Variants in CSMD2 observed in about 807,000 individuals in gnomAD.
CSMD2 encodes the protein CUB and Sushi multiple domains 2.
Under a neutral mutation model 398.5 loss-of-function variants are expected in CSMD2, and 130 were observed. The ratio of observed to expected loss-of-function variants is 0.33; its 90% CI spans 0.28 to 0.38. The LOEUF is 0.38. Ranked by LOEUF, CSMD2 falls within the 10% of genes least tolerant of loss-of-function variation. The pLI, the probability that CSMD2 is intolerant of heterozygous loss-of-function variation, is 1.00. For synonymous variants in CSMD2, 1,828 were observed against 1,908.5 expected, an observed-to-expected ratio of 0.96 and a Z score of 1.10; for missense variants, 3,829 against 4,764.9, an observed-to-expected ratio of 0.80 and a Z score of 5.78.
intron 26 of CSMD2, among the ~76,000 whole-genome samples, chr1:33,661,865 C>G (rs539497778): frequency 6.6e-6 from 1 of 152,262 alleles, no homozygotes; most frequent in Admixed American, 6.5e-5. Flanking sequence ...TGGGAAAGAG[C>G]TCGGGGGCAA....
intron 4 of CSMD2, among the ~76,000 whole-genome samples, chr1:33,935,485 G>A (rs1214480766): frequency 6.6e-6 from 1 of 152,206 alleles, no homozygotes; most frequent in Non-Finnish European, 1.5e-5. Flanking sequence ...TCTGAGACAG[G>A]AGGGCTAGAG....
chr1:33,888,786 G>GT lies in CSMD2; in HGVS notation c.920+29307_920+29308insA, dbSNP rs56812413. ...TGTTGTTGTTGTTGTTGTTGTTGTTGAGATGGAGTCTCCCTCTGTCGCCCA... is the reference window on the plus strand; with the variant it reads ...TGTTGTTGTTGTTGTTGTTGTTGTTGTAGATGGAGTCTCCCTCTGTCGCCCA... On this transcript the variant is annotated intron_variant, in intron 5 of 70. Transcript: ENST00000373381. 4.8e-3 allele frequency among the ~76,000 whole-genome samples: 722 copies of GT among 151,994 alleles called. 4 individuals carry two copies. The highest frequency in any genetic ancestry group is 7.0e-3 in the Non-Finnish European group (477 of 67,986).
At chr1:33,717,156 G>A (rs565022478) in intron 19 of CSMD2, among the ~76,000 whole-genome samples, 18 of 152,212 alleles carry the variant, frequency 1.2e-4, no homozygotes, top group African/African-American at 4.1e-4. Flanking sequence ...TTGAGCAGCA[G>A]CTGGGTGTGG....
intron 5 of CSMD2, among the ~76,000 whole-genome samples, chr1:33,856,951 A>G (rs1472505272): frequency 6.6e-6 from 1 of 151,958 alleles, no homozygotes; most frequent in East Asian, 1.9e-4. Context: ...AAGACACGAC[A>G]TCTACAATTC....
chr1:34,147,276 A>G (rs1639863049), intron 1 of CSMD2, among the ~76,000 whole-genome samples: 1 of 152,108 alleles, frequency 6.6e-6, no homozygotes, highest in South Asian at 2.1e-4. Flanking sequence ...AAAAAATAAA[A>G]AAATAAAGAA....
At chr1:33,829,481 G>A (rs1307202015) in intron 6 of CSMD2, among the ~76,000 whole-genome samples, 1 of 152,170 alleles carries the variant, frequency 6.6e-6, no homozygotes. Context: ...ATGTCGGTGT[G>A]CTGCACCCAT....
chr1:33,570,379 G>A (rs1025891544), intron 51 of CSMD2, among the ~76,000 whole-genome samples: 5 of 148,712 alleles, frequency 3.4e-5, no homozygotes, highest in African/African-American at 5.0e-5. Flanking sequence ...TCACCATGTC[G>A]GCCAGGCTGG....
chr1:33,907,642 C>A (rs1259569645), intron 5 of CSMD2, among the ~76,000 whole-genome samples: 1 of 152,148 alleles, frequency 6.6e-6, no homozygotes, highest in Non-Finnish European at 1.5e-5. Context: ...TCTGCCTTCT[C>A]CCTCCCCAAA....
chr1:33,809,534 A>G (rs1200653555), intron 10 of CSMD2, among the ~76,000 whole-genome samples: 1 of 152,056 alleles, frequency 6.6e-6, no homozygotes, highest in Non-Finnish European at 1.5e-5. Context: ...GAGTATCTAC[A>G]AATGAAAAAT....
chr1:33,561,627 G>A (rs1490789647), intron 53 of CSMD2, among the ~76,000 whole-genome samples: 1 of 152,222 alleles, frequency 6.6e-6, no homozygotes, highest in Non-Finnish European at 1.5e-5. Flanking sequence ...GGAAGCGGCT[G>A]TTAAACCCAG....
At chr1:33,804,586 T>C (rs12408037) in intron 10 of CSMD2, among the ~76,000 whole-genome samples, 83,858 of 151,174 alleles carry the variant, frequency 0.55, 23,269 homozygotes, top group East Asian at 0.69. Context: ...TCTTCACTCT[T>C]ACGTGCACAC....
At chr1:33,683,898 G>A (rs751809534) in intron 25 of CSMD2, among the ~76,000 whole-genome samples, 2 of 152,180 alleles carry the variant, frequency 1.3e-5, no homozygotes, top group African/African-American at 2.4e-5. Flanking sequence ...GTAAGTACAC[G>A]AACCTTCTCT....
intron 3 of CSMD2, among the ~76,000 whole-genome samples, chr1:34,027,266 T>G (rs1326293780): frequency 2.0e-5 from 3 of 152,100 alleles, no homozygotes; most frequent in Non-Finnish European, 4.4e-5. Flanking sequence ...GGCCAGTAAG[T>G]GATGACAGGT....
At chr1:33,954,742 G>A (rs927846602) in intron 3 of CSMD2, among the ~76,000 whole-genome samples, 2 of 152,144 alleles carry the variant, frequency 1.3e-5, no homozygotes, top group African/African-American at 2.4e-5. Flanking sequence ...CCACTTATAT[G>A]AGACACCTAG....
intron 2 of CSMD2, among the ~76,000 whole-genome samples, chr1:34,078,314 C>T (rs1656668215): frequency 6.6e-6 from 1 of 152,076 alleles, no homozygotes; most frequent in African/African-American, 2.4e-5. Flanking sequence ...ACACATGATA[C>T]ATACATGCAC....
chr1:34,146,789 T>A (rs1021422697), intron 1 of CSMD2, among the ~76,000 whole-genome samples: 22 of 151,466 alleles, frequency 1.5e-4, no homozygotes, highest in Admixed American at 1.1e-3. Context: ...TTTGGGAGAG[T>A]AAAGTTTCTG....
chr1:33,968,026 A>G (rs1242998227), intron 3 of CSMD2, among the ~76,000 whole-genome samples: 1 of 151,868 alleles, frequency 6.6e-6, no homozygotes, highest in Non-Finnish European at 1.5e-5. Context: ...ACTATTTTCA[A>G]CCCCTGGCTA....
chr1:33,857,576 A>T (rs1243701550), intron 5 of CSMD2, among the ~76,000 whole-genome samples: 2 of 151,912 alleles, frequency 1.3e-5, no homozygotes, highest in Admixed American at 1.3e-4. Flanking sequence ...TTGAGGCTGG[A>T]GCCATGACCA....
chr1:34,061,267 G>C (rs1654472111), intron 2 of CSMD2, among the ~76,000 whole-genome samples: 1 of 152,206 alleles, frequency 6.6e-6, no homozygotes, highest in African/African-American at 2.4e-5. Context: ...GCTGGACAGT[G>C]TGCCAGGCTC....
Sources: allele counts gnomAD v4.1 joint callset (sites outside exome capture counted in the v4.1 genomes callset), GRCh38; gene constraint gnomAD v4.1.1; transcripts MANE v1.5; gene names NCBI Gene and HGNC (gene_info 2026-07-23, HGNC 2026-07-21).